Variants in ATXN7L1 observed in about 807,000 individuals in gnomAD.
ATXN7L1 encodes ataxin-7-like protein 1.
A neutral mutation model predicts 70.8 loss-of-function variants in ATXN7L1; 15 were observed. The observed-to-expected ratio is 0.21, with a 90% CI of 0.14 to 0.33. The LOEUF is 0.33. Ranked by LOEUF, ATXN7L1 falls within the 10% of genes least tolerant of loss-of-function variation. The probability of loss-of-function intolerance (pLI) is 1.00; values close to 1 mark genes in which losing one functional copy is unlikely to be tolerated. For missense variants in ATXN7L1, 975 were observed against 1,097.1 expected (o/e 0.89, Z 1.57); for synonymous variants, 440 against 445.1 (o/e 0.99, Z 0.14).
chr7:105,779,434 G>A (rs1000080589), intron 3 of ATXN7L1, among the ~76,000 whole-genome samples: 7 of 152,186 alleles, frequency 4.6e-5, no homozygotes, highest in East Asian at 1.9e-4. Context: ...GCAGTAGCAA[G>A]TCCAAAATAT....
intron 3 of ATXN7L1, among the ~76,000 whole-genome samples, chr7:105,692,288 G>T (rs917902): frequency 0.52 from 79,701 of 151,920 alleles, 21,159 homozygotes; most frequent in East Asian, 0.63. Flanking sequence ...TGCACATGTG[G>T]GGGTGATGGC....
At position 105,740,195 on chromosome 7, in the gene ATXN7L1, G is replaced by C. The variant is rs572521350; in HGVS notation, c.355+48409C>G. 7.2e-5 allele frequency among the ~76,000 whole-genome samples: 11 copies of C among 152,298 alleles called. No individual in the cohort carries two copies. In the East Asian group the frequency reaches 2.1e-3, roughly 29 times the overall value. On this transcript the variant is annotated intron_variant, in intron 3 of 11. Transcript: ENST00000419735. ...AGTCAGGGCCAGAAAGCCAGAATCT[G>C]TGTCACCTAGCAGAGGCCAGACAGC...
intron 2 of ATXN7L1, among the ~76,000 whole-genome samples, chr7:105,795,943 T>G (rs1805926075): frequency 6.6e-6 from 1 of 152,232 alleles, no homozygotes; most frequent in African/African-American, 2.4e-5. Flanking sequence ...TTTTATATAA[T>G]TTAAACATTA....
intron 2 of ATXN7L1, among the ~76,000 whole-genome samples, chr7:105,813,335 ATTTT>A (rs3036751): frequency 7.8e-6 from 1 of 128,904 alleles, no homozygotes; most frequent in Non-Finnish European, 1.6e-5. Context: ...ACAATCTACA[ATTTT>A]TTTTTTTTTT....
chr7:105,692,246 T>A (rs1226640653), intron 3 of ATXN7L1, among the ~76,000 whole-genome samples: 1 of 152,124 alleles, frequency 6.6e-6, no homozygotes, highest in Non-Finnish European at 1.5e-5. Flanking sequence ...TTTTAGAGAT[T>A]GACTTAGATT....
At chr7:105,760,213 G>T in intron 3 of ATXN7L1, 39 of 984,762 alleles carry the variant, frequency 4.0e-5, no homozygotes, top group Non-Finnish European at 4.7e-5. Flanking sequence ...GATGTTTAAT[G>T]ACCCAGTGTG....
intron 7 of ATXN7L1, among the ~76,000 whole-genome samples, chr7:105,630,035 C>T (rs551838637): frequency 6.6e-6 from 1 of 152,216 alleles, no homozygotes; most frequent in Non-Finnish European, 1.5e-5. Context: ...CCAGGCTAGT[C>T]TTGAACTCTT....
chr7:105,725,860 C>G (rs572719633), intron 3 of ATXN7L1, among the ~76,000 whole-genome samples: 1 of 150,200 alleles, frequency 6.7e-6, no homozygotes, highest in Non-Finnish European at 1.5e-5. Flanking sequence ...GGATTACAGG[C>G]GTGAGCCACC....
intron 5 of ATXN7L1, 32 bp downstream of exon 5, chr7:105,642,806 A>G: frequency 6.5e-7 from 1 of 1,534,200 alleles, no homozygotes; most frequent in Non-Finnish European, 8.8e-7. Context: ...CAGTCTAATC[A>G]TGAGTCAGAC....
intron 7 of ATXN7L1, 31 bp downstream of exon 7, chr7:105,638,322 T>C (rs915867749): frequency 1.3e-6 from 2 of 1,535,394 alleles, no homozygotes; most frequent in Non-Finnish European, 1.8e-6. Flanking sequence ...GACCAAGCAT[T>C]CAGGGCTTCT....
At position 105,727,767 on chromosome 7, in the gene ATXN7L1, T is replaced by TATATATATATATATATA. The variant is rs34755557; in HGVS notation, c.355+60836_355+60837insTATATATATATATATAT. ...GTGTGTATATATATATATATATATATATATATATATACACACACATACACA... is the reference window on the plus strand; with the variant it reads ...GTGTGTATATATATATATATATATATATATATATATATATATAATATATATATACACACACATACACA... On this transcript the variant is annotated intron_variant, in intron 3 of 11. Transcript: ENST00000419735. 2.2e-3 allele frequency among the ~76,000 whole-genome samples: 220 copies of TATATATATATATATATA among 100,198 alleles called. 1 individual carries two copies. The highest frequency in any genetic ancestry group is 6.0e-3 in the South Asian group (15 of 2,508). 65.7% of individuals were successfully genotyped at this position (100,198 alleles called of 152,430 possible).
chr7:105,646,408 G>A (rs1799031516), intron 4 of ATXN7L1, among the ~76,000 whole-genome samples: 1 of 152,070 alleles, frequency 6.6e-6, no homozygotes, highest in Admixed American at 6.5e-5. Flanking sequence ...GATTGCTTGA[G>A]GCCAGGTGTT....
intron 3 of ATXN7L1, among the ~76,000 whole-genome samples, chr7:105,767,340 T>C (rs1801408876): frequency 6.6e-6 from 1 of 152,056 alleles, no homozygotes; most frequent in South Asian, 2.1e-4. Context: ...TAAGCCCCTA[T>C]ACTCGCCAGC....
intron 3 of ATXN7L1, among the ~76,000 whole-genome samples, chr7:105,698,300 C>T (rs1157026203): frequency 1.3e-5 from 2 of 152,286 alleles, no homozygotes; most frequent in South Asian, 4.1e-4. Context: ...CAAACCAAGA[C>T]ATTGTAACTG....
At position 105,709,843 on chromosome 7, in the gene ATXN7L1, T is replaced by TC. The variant is rs546592025; in HGVS notation, c.356-44556dup. ...GCAGCCATCTCCTGATCTTCTGGTT[T>TC]CCCCATACCCAAATAATAATAAAGC... is the stretch of plus-strand genomic sequence containing the variant. On this transcript the variant is annotated intron_variant, in intron 3 of 11. Transcript: ENST00000419735. Among the ~76,000 whole-genome samples, 499 of 151,872 alleles carry TC rather than the reference T, an allele frequency of 3.3e-3. 2 individuals carry two copies. The highest frequency in any genetic ancestry group is 0.011 in the African/African-American group (439 of 41,400).
intron 7 of ATXN7L1, among the ~76,000 whole-genome samples, chr7:105,633,787 A>G: frequency 6.6e-6 from 1 of 152,156 alleles, no homozygotes; most frequent in African/African-American, 2.4e-5. Flanking sequence ...ACTCTATAAT[A>G]AGTTCCAGTT....
Position 105,606,151 on chromosome 7 carries a change from T to G in ATXN7L1, c.*1701A>C, listed in dbSNP as rs981958810. The G allele has an allele frequency of 6.6e-6, 1 of 152,150 alleles. No individual in the cohort carries two copies. The highest frequency in any genetic ancestry group is 2.4e-5 in the African/African-American group (1 of 41,416). 9.4% of individuals were successfully genotyped at this position (152,150 alleles called of 1,614,324 possible). The stretch of plus-strand genomic sequence containing the variant: ...CAGCATATAAGTGCACTTTTAACAC[T>G]GTAGAAATAAAAATGAAATCATCCG... On this transcript the variant is annotated 3_prime_UTR_variant, in exon 12 of 12. Coordinates refer to ENST00000419735, the MANE Select transcript of ATXN7L1 (RefSeq NM_020725.2).
At chr7:105,788,389 T>G in intron 3 of ATXN7L1, 9 of 522,832 alleles carry the variant, frequency 1.7e-5, no homozygotes, top group African/African-American at 3.8e-5. Context: ...AGTTGCAGGT[T>G]TTCTCTCATT....
chr7:105,642,405 T>G (rs1244996596), intron 5 of ATXN7L1, among the ~76,000 whole-genome samples: 1 of 152,230 alleles, frequency 6.6e-6, no homozygotes, highest in Non-Finnish European at 1.5e-5. Context: ...AGCACAGCTG[T>G]TGGCGGGGCT....
Sources: allele counts gnomAD v4.1 joint callset (sites outside exome capture counted in the v4.1 genomes callset), GRCh38; gene constraint gnomAD v4.1.1; transcripts MANE v1.5; gene names NCBI Gene and HGNC (gene_info 2026-07-23, HGNC 2026-07-21).